The following TMEM253 variants were observed in gnomAD, a reference collection of about 807,000 sequenced individuals.
TMEM253 encodes the protein transmembrane protein C14orf176.
In TMEM253, 22 loss-of-function variants were observed where a neutral mutation model predicts 20.3. That is an observed-to-expected ratio of 1.08 (90% CI 0.78 to 1.55). The LOEUF is 1.55. TMEM253 is among the 40% of genes most tolerant of loss of function. The probability of loss-of-function intolerance (pLI) is 0.00; values close to 1 mark genes in which losing one functional copy is unlikely to be tolerated. For synonymous variants in TMEM253, 92 were observed against 102.6 expected (o/e 0.90, Z 0.62); for missense variants, 251 against 266.1 (o/e 0.94, Z 0.39).
chr14:21,101,403 A>G, exon 2 of TMEM253: 1 of 1,551,696 alleles, frequency 6.4e-7, no homozygotes, highest in Non-Finnish European at 8.7e-7. Flanking sequence ...TGGAAAAGCT[A>G]CAACACTGGG....
chr14:21,101,448 A>G lies in TMEM253; in HGVS notation c.105A>G (p.Leu35=), dbSNP rs1181061917. The G allele has an allele frequency of 4.5e-6, 7 of 1,551,392 alleles. No individual in the cohort carries two copies. The East Asian group carries it at 1.5e-4, about 33-fold the overall frequency. The change falls in exon 2 of 7, where the codon CTA becomes CTG. Residue 35 remains leucine (L), a synonymous_variant. Coordinates refer to ENST00000556585, the Ensembl canonical transcript of TMEM253. ...GGCAGAGTGGGCACCTCTTGGTGCT[A>G]GCGGTGAGGCCAGGCTACCCCATCC...
exon 1 of TMEM253, chr14:21,101,173 G>T (rs1889600537): frequency 1.7e-6 from 1 of 576,258 alleles, no homozygotes; most frequent in Non-Finnish European, 3.0e-6. Flanking sequence ...TGGAGTAGCT[G>T]CTTCAGACTA....
chr14:21,102,981 G>T (rs980971595), intron 6 of TMEM253, 158 bp from the exon 7 acceptor site: 1 of 1,370,626 alleles, frequency 7.3e-7, no homozygotes, highest in African/African-American at 1.5e-5. Flanking sequence ...CCAAATGATT[G>T]AGGTTAAAAG....
chr14:21,101,717 T>C, intron 2 of TMEM253, 148 bp from the exon 3 acceptor site: 2 of 692,182 alleles, frequency 2.9e-6, no homozygotes, highest in South Asian at 3.9e-5. Context: ...TGATACTTAA[T>C]TTTTAATGAT....
chr14:21,103,050 A>G (rs919557252), intron 6 of TMEM253, 89 bp from the exon 7 acceptor site: 9 of 1,542,986 alleles, frequency 5.8e-6, no homozygotes, highest in Non-Finnish European at 7.9e-6. Context: ...AACAGGATAG[A>G]AAATTGGGCA....
Position 21,101,393 on chromosome 14 carries a change from T to C in TMEM253, c.50T>C (p.Leu17Pro), listed in dbSNP as rs1351635673. ...GAGCAGGAGAGACACAGCCTTCGTC[T>C]GGAAAAGCTACAACACTGGGCAAGG... is the stretch of plus-strand genomic sequence containing the variant. Residue 17 changes from leucine (L) to proline (P), a missense_variant, in exon 2 of 7, where the codon CTG (leucine) becomes CCG (proline). Coordinates refer to ENST00000556585, the Ensembl canonical transcript of TMEM253. The C allele has an allele frequency of 3.2e-6, 5 of 1,551,676 alleles. No homozygotes were observed. In the East Asian group the frequency reaches 7.3e-5, roughly 23 times the overall value.
In TMEM253 at chr14:21,101,978, A is replaced by G; in HGVS notation, c.219+3A>G. 1 of 1,551,518 alleles carries G rather than the reference A, an allele frequency of 6.4e-7. No homozygotes were observed. Among genetic ancestry groups the G allele is most frequent in the Non-Finnish European group, 8.7e-7 (1 of 1,146,846 alleles). On this transcript the variant is annotated splice_donor_region_variant and intron_variant, in intron 3 of 6. Coordinates refer to ENST00000556585, the Ensembl canonical transcript of TMEM253. ...TGCCTCTTGGGCCTGGAGCCTCAGT[A>G]AGACCCACCACAAGGGAGGGTGGAA... is the stretch of plus-strand genomic sequence containing the variant.
intron 4 of TMEM253, 92 bp downstream of exon 4, chr14:21,102,212 C>T: frequency 6.9e-7 from 1 of 1,453,720 alleles, no homozygotes; most frequent in South Asian, 1.4e-5. Flanking sequence ...TAAGTGTTGA[C>T]TCATTCTCTC....
exon 7 of TMEM253, chr14:21,103,179 G>A: frequency 6.4e-7 from 1 of 1,551,662 alleles, no homozygotes; most frequent in Non-Finnish European, 8.7e-7. Flanking sequence ...TTGGAGAATG[G>A]TCCCACGGTG....
At chr14:21,102,893 GT>G in intron 6 of TMEM253, 114 bp downstream of exon 6, 1 of 1,438,828 alleles carries the variant, frequency 7.0e-7, no homozygotes, top group Non-Finnish European at 9.2e-7. Flanking sequence ...AAAAGAAGAG[GT>G]CCTAGAATGA....
rs1889603325 is a variant in TMEM253, at chr14:21,101,204, C to T, written c.-37+20C>T. The T allele has an allele frequency of 3.9e-6, 3 of 761,220 alleles. No homozygotes were observed. The highest frequency in any genetic ancestry group is 6.3e-6 in the Non-Finnish European group (3 of 474,762). The allele number at this position is 761,220 out of a possible 1,614,324, so 47.2% of individuals were successfully genotyped here. On this transcript the variant is annotated intron_variant, in intron 1 of 6. Coordinates refer to ENST00000556585, the Ensembl canonical transcript of TMEM253. ...GACTAGGTAGGTGTGAGGACCTGGA[C>T]CTCAAATCCCTGGATATTGGGAGTG...
chr14:21,103,440 C>A, exon 7 of TMEM253: 2 of 992,370 alleles, frequency 2.0e-6, no homozygotes, highest in Non-Finnish European at 2.8e-6. Context: ...CACCTCACCA[C>A]CCTGAAAAGC....
intron 6 of TMEM253, 27 bp from the exon 7 acceptor site, chr14:21,103,112 T>C: frequency 6.4e-7 from 1 of 1,551,652 alleles, no homozygotes; most frequent in Non-Finnish European, 8.7e-7. Context: ...CCTCTACAAT[T>C]TGCTCACACC....
At chr14:21,102,851 G>A in intron 6 of TMEM253, 72 bp downstream of exon 6, 1 of 1,507,318 alleles carries the variant, frequency 6.6e-7, no homozygotes, top group Non-Finnish European at 8.8e-7. Flanking sequence ...CCTGGTCAGT[G>A]GCACTTAAGG....
chr14:21,098,861 CG>C (rs1326027211), upstream of TMEM253: 2 of 1,285,876 alleles, frequency 1.6e-6, no homozygotes, highest in Non-Finnish European at 2.0e-6. Context: ...TGCACAGACT[CG>C]GGAAGTTCTT....
At chr14:21,101,373 G>T in exon 2 of TMEM253, 2 of 1,551,712 alleles carry the variant, frequency 1.3e-6, no homozygotes, top group Non-Finnish European at 1.7e-6. Context: ...AGCAAGAGCA[G>T]GAGAGACACA....
chr14:21,101,989 C>T lies in TMEM253; in HGVS notation c.219+14C>T. On this transcript the variant is annotated intron_variant, in intron 3 of 6. Transcript: ENST00000556585. Reference sequence around the variant, plus strand: ...CCTGGAGCCTCAGTAAGACCCACCACAAGGGAGGGTGGAAGGTCCCAGGGC... The same window carrying T: ...CCTGGAGCCTCAGTAAGACCCACCATAAGGGAGGGTGGAAGGTCCCAGGGC... 6.4e-7 allele frequency: 1 copy of T among 1,551,068 alleles called. No homozygotes were observed. The highest frequency in any genetic ancestry group is 8.7e-7 in the Non-Finnish European group (1 of 1,146,464).
chr14:21,102,557 A>G (rs1265729791), intron 5 of TMEM253, 42 bp downstream of exon 5: 2 of 1,551,454 alleles, frequency 1.3e-6, no homozygotes, highest in Admixed American at 3.9e-5. Context: ...TAAGGAGGCA[A>G]GAGGAGGTGG....
chr14:21,102,048 C>T lies in TMEM253; in HGVS notation c.220-16C>T. ...AACGGGACCAGAGCTCAACACTTGC[C>T]CTTCTCACCATTCAGGGTCTCCTCA... is the stretch of plus-strand genomic sequence containing the variant. On this transcript the variant is annotated splice_polypyrimidine_tract_variant and intron_variant, in intron 3 of 6. Transcript: ENST00000556585. 1 of 1,551,120 alleles carries T rather than the reference C, an allele frequency of 6.4e-7. No homozygotes were observed. Among genetic ancestry groups the T allele is most frequent in the Non-Finnish European group, 8.7e-7 (1 of 1,146,584 alleles).
Sources: gnomAD v4.1 joint callset for allele counts on GRCh38, gnomAD v4.1.1 for gene constraint, MANE v1.5 for transcripts, NCBI Gene and HGNC (gene_info 2026-07-23, HGNC 2026-07-21) for gene names.